SPEG: variants seen among roughly 807,000 people sequenced by gnomAD.
SPEG encodes the protein striated muscle enriched protein kinase.
SPEG carries 114 observed loss-of-function variants against 300.4 expected under a neutral mutation model. That is an observed-to-expected ratio of 0.38 (90% confidence interval 0.33 to 0.44). The LOEUF (loss-of-function observed/expected upper bound fraction) is 0.44, where lower values mean the gene tolerates loss of function less well. Among genes scored for constraint, SPEG ranks in the 20% least tolerant of loss-of-function variants. The pLI, the probability that SPEG is intolerant of heterozygous loss-of-function variation, is 1.00. For synonymous variants in SPEG, 1,964 were observed against 2,018.9 expected, an observed-to-expected ratio of 0.97 and a Z score of 0.73; for missense variants, 4,201 against 4,586.2, an observed-to-expected ratio of 0.92 and a Z score of 2.43.
At position 219,488,836 on chromosome 2, in the gene SPEG, G is replaced by C; in HGVS notation, c.8085G>C (p.Leu2695=). 6.3e-7 allele frequency: 1 copy of C among 1,593,366 alleles called. No individual in the cohort carries two copies. Among genetic ancestry groups the C allele is most frequent in the Non-Finnish European group, 8.6e-7 (1 of 1,168,764 alleles). ...EVPQTYQDTA[L]VLWKPGDSRA... Reference sequence around the variant, plus strand: ...CCCAGACCTACCAGGACACGGCGCTGGTGCTGTGGAAGCCGGGAGACAGCC... The same window carrying C: ...CCCAGACCTACCAGGACACGGCGCTCGTGCTGTGGAAGCCGGGAGACAGCC... The change falls in exon 34 of 41, where the codon CTG becomes CTC. Residue 2695 remains leucine, a synonymous_variant. Coordinates refer to ENST00000312358, the MANE Select transcript of SPEG (RefSeq NM_005876.5).
Position 219,444,091 on chromosome 2 carries a change from C to T in SPEG, c.389-562C>T. Reference sequence around the variant, plus strand: ...AACTGGCTCCTGCTCTAGCCCCCCGCATCCCCCCCTTTCCCACCCGGCCCC... The same window carrying T: ...AACTGGCTCCTGCTCTAGCCCCCCGTATCCCCCCCTTTCCCACCCGGCCCC... On this transcript the variant is annotated intron_variant, in intron 1 of 40. Coordinates refer to ENST00000312358, the MANE Select transcript of SPEG (RefSeq NM_005876.5). The surrounding 1 kb of genome is among the most constrained non-coding windows in gnomAD (Gnocchi z 7.8). 1.5e-6 allele frequency: 2 copies of T among 1,354,710 alleles called. No homozygotes were observed. Among genetic ancestry groups the T allele is most frequent in the Admixed American group, 1.9e-5 (1 of 51,536 alleles). 83.9% of individuals were successfully genotyped at this position (1,354,710 alleles called of 1,614,324 possible).
rs747403891 is a variant in SPEG, at chr2:219,458,323, C to T, written c.2441-3559C>T. Among the ~76,000 whole-genome samples, 10 of 151,884 alleles carry T rather than the reference C, an allele frequency of 6.6e-5. No individual in the cohort carries two copies. Among genetic ancestry groups the T allele is most frequent in the South Asian group, 2.1e-4 (1 of 4,836 alleles). ...GGAGCTTGGCAAAGAGACCATGGAG[C>T]GGTGGTCCTCAGAGTGAGGCCCCCA... On this transcript the variant is annotated intron_variant, in intron 6 of 40. Transcript: ENST00000312358. This position sits in a 1 kb window ranked among gnomAD's most constrained non-coding sequence, Gnocchi z 4.2.
In SPEG at chr2:219,464,430, C is replaced by T; in HGVS notation, c.2706-3C>T. 1 of 1,607,462 alleles carries T rather than the reference C, an allele frequency of 6.2e-7. No individual in the cohort carries two copies. Among genetic ancestry groups the T allele is most frequent in the Non-Finnish European group, 8.5e-7 (1 of 1,178,814 alleles). On this transcript the variant is annotated splice_region_variant and splice_polypyrimidine_tract_variant and intron_variant, in intron 8 of 40. Transcript: ENST00000312358. The surrounding 1 kb of genome is among the most constrained non-coding windows in gnomAD (Gnocchi z 4.5). ...TGGGACTGAGTTCTTGCCCCTCTGA[C>T]AGGCTGAGAAACCGCCAGCCCGTGC... is the stretch of plus-strand genomic sequence containing the variant.
chr2:219,477,603 C>T lies in SPEG; in HGVS notation c.4730-86C>T, dbSNP rs1171254463. On this transcript the variant is annotated intron_variant, in intron 20 of 40. Transcript: ENST00000312358. This position sits in a 1 kb window ranked among gnomAD's most constrained non-coding sequence, Gnocchi z 6.4. Reference sequence around the variant, plus strand: ...CCCCCAACATTCTTGCACCTCTTCTCTCTTCTTCTTCTGTCCACCTGTCCC... The same window carrying T: ...CCCCCAACATTCTTGCACCTCTTCTTTCTTCTTCTTCTGTCCACCTGTCCC... 15 of 1,402,390 alleles carry T rather than the reference C, an allele frequency of 1.1e-5. No individual in the cohort carries two copies. Among genetic ancestry groups the T allele is most frequent in the Non-Finnish European group, 1.5e-5 (15 of 1,027,568 alleles). The allele number at this position is 1,402,390 out of a possible 1,614,324, so 86.9% of individuals were successfully genotyped here.
rs1174480719 is a variant in SPEG, at chr2:219,484,334, G to C, written c.6871G>C (p.Glu2291Gln). ...GGCCTCCCCACCTCCGGGAGCCCCC[G>C]AGAAGCGCGTGCCCTCAGCCGGGGG... ...RVASPPPGAP[E>Q]KRVPSAGGPP... Residue 2291 changes from glutamate (E) to glutamine (Q), a missense_variant, in exon 30 of 41, where the codon GAG becomes CAG. Transcript: ENST00000312358. 6.2e-7 allele frequency: 1 copy of C among 1,604,012 alleles called. No individual in the cohort carries two copies. Among genetic ancestry groups the C allele is most frequent in the Non-Finnish European group, 8.5e-7 (1 of 1,178,532 alleles).
Position 219,483,539 on chromosome 2 carries a change from C to T in SPEG, c.6076C>T (p.Arg2026Trp). Residue 2026 changes from arginine to tryptophan, a missense_variant, in exon 30 of 41, where the codon CGG becomes TGG. Coordinates refer to ENST00000312358, the MANE Select transcript of SPEG (RefSeq NM_005876.5). ...GAGCGCCCTGCCCCGGGCCGGGCCG[C>T]GGGAGCTGGGCCGGGGCCTGCACAA... ...AESALPRAGP[R>W]ELGRGLHKAA... The T allele has an allele frequency of 7.1e-7, 1 of 1,404,516 alleles. No homozygotes were observed. Among genetic ancestry groups the T allele is most frequent in the Non-Finnish European group, 9.2e-7 (1 of 1,091,830 alleles). 87.0% of individuals were successfully genotyped at this position (1,404,516 alleles called of 1,614,324 possible).
chr2:219,461,242 C>G lies in SPEG; in HGVS notation c.2441-640C>G, dbSNP rs1207010641. 24 of 986,086 alleles carry G rather than the reference C, an allele frequency of 2.4e-5. No homozygotes were observed. The Admixed American group carries it at 1.5e-3, about 61-fold the overall frequency. The allele number at this position is 986,086 out of a possible 1,614,324, so 61.1% of individuals were successfully genotyped here. On this transcript the variant is annotated intron_variant, in intron 6 of 40. Coordinates refer to ENST00000312358, the MANE Select transcript of SPEG (RefSeq NM_005876.5). ...TGCCCTTTTTGGTGGATGACTCCAG[C>G]TCTGCTTTCCTATCCCTCGAGCGTT... is the stretch of plus-strand genomic sequence containing the variant.
In SPEG at chr2:219,448,287, C is replaced by A; in HGVS notation, c.1129C>A (p.Leu377Met). 6.2e-7 allele frequency: 1 copy of A among 1,610,506 alleles called. No homozygotes were observed. Among genetic ancestry groups the A allele is most frequent in the South Asian group, 1.1e-5 (1 of 90,932 alleles). ...GTAESRPQTP[L>M]SEASGRLSAL... ...CGCGGAATCCCGACCCCAGACGCCA[C>A]TGAGCGAGGCCTCAGGCCGCCTGTC... The change falls in exon 4 of 41, where the codon CTG (leucine) becomes ATG (methionine). Residue 377 changes from leucine (L) to methionine (M), a missense_variant. Leu to Met is a conservative substitution (Grantham distance 15, BLOSUM62 2). Coordinates refer to ENST00000312358, the MANE Select transcript of SPEG (RefSeq NM_005876.5).
chr2:219,456,138 A>G (rs533237328), intron 6 of SPEG, among the ~76,000 whole-genome samples: 13 of 152,376 alleles, frequency 8.5e-5, no homozygotes, highest in Non-Finnish European at 1.6e-4. Context: ...CAGAGGATAT[A>G]TAGCTCATCG....
rs763826874 is a variant in SPEG at position 219,492,629 on chromosome 2, C to T, written c.9647C>T (p.Pro3216Leu). Residue 3216 changes from proline (P) to leucine (L), a missense_variant, in exon 41 of 41, where the codon CCA (proline) becomes CTA (leucine). Pro to Leu is a moderately conservative substitution (Grantham distance 98, BLOSUM62 -3). Around this residue, in one of 4 missense-constraint regions of SPEG, gnomAD observed 318 missense variants for 429.5 expected, o/e 0.74. Coordinates refer to ENST00000312358, the MANE Select transcript of SPEG (RefSeq NM_005876.5). ...RPSLQDCLAH[P>L]WLQDAYLMKL... is the part of the protein sequence containing the mutation. ...TCCCTGCAGGACTGCCTGGCCCACC[C>T]ATGGTTGCAGGACGCCTACCTGATG... is the stretch of plus-strand genomic sequence containing the variant. The T allele has an allele frequency of 6.2e-7, 1 of 1,611,176 alleles. No homozygotes were observed. The highest frequency in any genetic ancestry group is 1.1e-5 in the South Asian group (1 of 91,086).
In SPEG at chr2:219,490,426, T is replaced by C; in HGVS notation, c.8939T>C (p.Val2980Ala). The change falls in exon 37 of 41, where the codon GTG becomes GCG. Residue 2980 changes from valine (V) to alanine (A), a missense_variant. By Grantham distance (64) the Val-to-Ala change is moderately conservative. Coordinates refer to ENST00000312358, the MANE Select transcript of SPEG (RefSeq NM_005876.5). ...EEKARGRFGV[V>A]RACRENATGR... ...ACACACAGGGGCCGCTTTGGTGTTG[T>C]GCGAGCGTGCCGGGAGAATGCCACG... is the stretch of plus-strand genomic sequence containing the variant. The C allele has an allele frequency of 6.2e-7, 1 of 1,612,126 alleles. No homozygotes were observed.
rs542611971 is a variant in SPEG, at chr2:219,451,096, G to T, written c.2114-40G>T. ...CTCTCTCCCGCTGTCATCCCTGCAG[G>T]GATCATGGCCCCTTACCCCGTTATT... On this transcript the variant is annotated intron_variant, in intron 4 of 40. Coordinates refer to ENST00000312358, the MANE Select transcript of SPEG (RefSeq NM_005876.5). This position sits in a 1 kb window ranked among gnomAD's most constrained non-coding sequence, Gnocchi z 6.4. The T allele has an allele frequency of 8.9e-6, 14 of 1,565,688 alleles. No homozygotes were observed. The highest frequency in any genetic ancestry group is 1.2e-5 in the Non-Finnish European group (14 of 1,158,336).
intron 6 of SPEG, 123 bp from the exon 7 acceptor site, chr2:219,461,759 G>T: frequency 9.1e-7 from 1 of 1,094,972 alleles, no homozygotes; most frequent in South Asian, 1.4e-5. Context: ...TGGGGGTGAA[G>T]TCAGGGCAGG....
chr2:219,468,078 C>A (rs988284150), intron 10 of SPEG, among the ~76,000 whole-genome samples: 1 of 152,178 alleles, frequency 6.6e-6, no homozygotes, highest in Non-Finnish European at 1.5e-5. Context: ...GAGGGTGCAT[C>A]GGGTCAACAT....
In SPEG at chr2:219,467,230, G is replaced by A. The variant is rs1456104199; in HGVS notation, c.2938G>A (p.Gly980Arg). The change falls in exon 10 of 41, where the codon GGG becomes AGG. Residue 980 changes from glycine to arginine, a missense_variant. Gly to Arg is a moderately radical substitution (Grantham distance 125, BLOSUM62 -2). Coordinates refer to ENST00000312358, the MANE Select transcript of SPEG (RefSeq NM_005876.5). ...VLAPLQDVDV[G>R]AGEMALFECL... Reference sequence around the variant, plus strand: ...GGCCCCCCTGCAGGACGTGGACGTGGGGGCCGGGGAGATGGCGCTGTTTGA... The same window carrying A: ...GGCCCCCCTGCAGGACGTGGACGTGAGGGCCGGGGAGATGGCGCTGTTTGA... The A allele has an allele frequency of 6.2e-7, 1 of 1,602,568 alleles. No homozygotes were observed. Among genetic ancestry groups the A allele is most frequent in the South Asian group, 1.1e-5 (1 of 90,908 alleles).
rs990234900 is a variant in SPEG, at chr2:219,473,219, G to A, written c.4147+123G>A. 11 of 997,402 alleles carry A rather than the reference G, an allele frequency of 1.1e-5. No homozygotes were observed. The highest frequency in any genetic ancestry group is 8.0e-5 in the African/African-American group (5 of 62,222). 61.8% of individuals were successfully genotyped at this position (997,402 alleles called of 1,614,324 possible). ...ACTGGCAGGAGCAGCCTAGCCGGGC[G>A]GGACCTTGGCCCATCTGTACACTTC... On this transcript the variant is annotated intron_variant, in intron 16 of 40. Transcript: ENST00000312358. The surrounding 1 kb of genome is among the most constrained non-coding windows in gnomAD (Gnocchi z 4.6).
chr2:219,471,637 C>T, intron 13 of SPEG: 1 of 567,776 alleles, frequency 1.8e-6, no homozygotes, highest in Non-Finnish European at 3.2e-6. Context: ...GAGGGACAGA[C>T]CAGAGGGGCC....
In SPEG at chr2:219,489,735, T is replaced by C. The variant is rs762636005; in HGVS notation, c.8717T>C (p.Phe2906Ser). ...SSTPVYVVTS[F>S]VSAPPAPEPP... Reference sequence around the variant, plus strand: ...ACTCCTGTGTATGTGGTGACTTCCTTTGTGTCTGCACCACCAGCCCCTGAG... The same window carrying C: ...ACTCCTGTGTATGTGGTGACTTCCTCTGTGTCTGCACCACCAGCCCCTGAG... The change falls in exon 36 of 41, where the codon TTT becomes TCT. Residue 2906 changes from phenylalanine (F) to serine (S), a missense_variant. Physicochemically the swap from Phe to Ser is radical, Grantham distance 155 (BLOSUM62 -2). Transcript: ENST00000312358. 2.5e-6 allele frequency: 4 copies of C among 1,613,884 alleles called. No homozygotes were observed. The highest frequency in any genetic ancestry group is 3.4e-6 in the Non-Finnish European group (4 of 1,179,932).
chr2:219,491,299 A>G (rs1322879396), intron 38 of SPEG, among the ~76,000 whole-genome samples: 2 of 152,188 alleles, frequency 1.3e-5, no homozygotes, highest in East Asian at 3.8e-4. Context: ...GCACCCTGCT[A>G]AATGCTTGAC....
Sources: allele counts gnomAD v4.1 joint callset (sites outside exome capture counted in the v4.1 genomes callset), GRCh38; gene constraint gnomAD v4.1.1; regional missense constraint gnomAD v4.1.1; non-coding constraint Gnocchi (gnomAD v3.1); transcripts MANE v1.5; gene names NCBI Gene and HGNC (gene_info 2026-07-23, HGNC 2026-07-21).